The following TMC1 variants were observed in gnomAD, a reference collection of about 807,000 sequenced individuals.
TMC1 encodes the protein transmembrane channel like 1.
TMC1 carries 84 observed loss-of-function variants against 105.8 expected under a neutral mutation model. That is an observed-to-expected ratio of 0.79 (90% CI 0.67 to 0.95). The LOEUF is 0.95. Ranked by LOEUF, TMC1 falls within the 40% of genes least tolerant of loss-of-function variation. TMC1 has a pLI of 0.00. For missense variants in TMC1, 817 were observed against 914.1 expected, an observed-to-expected ratio of 0.89 and a Z score of 1.37; for synonymous variants, 315 against 311.5, an observed-to-expected ratio of 1.01 and a Z score of -0.12.
At chr9:72,537,974 G>A (rs561753365) in intron 1 of TMC1, among the ~76,000 whole-genome samples, 2 of 151,948 alleles carry the variant, frequency 1.3e-5, no homozygotes, top group African/African-American at 2.4e-5. Context: ...TGGGCAACAT[G>A]ATGAGACCCT....
At chr9:72,542,224 G>T (rs1028699928) in intron 1 of TMC1, among the ~76,000 whole-genome samples, 5 of 152,154 alleles carry the variant, frequency 3.3e-5, no homozygotes, top group Non-Finnish European at 7.3e-5. Flanking sequence ...ACTTTGGGAG[G>T]CTGAGGTGGG....
intron 1 of TMC1, among the ~76,000 whole-genome samples, chr9:72,576,501 T>C (rs1334896564): frequency 6.6e-6 from 1 of 152,002 alleles, no homozygotes; most frequent in Non-Finnish European, 1.5e-5. Flanking sequence ...GAGCTCCTTC[T>C]TGTGCCAACG....
intron 2 of TMC1, among the ~76,000 whole-genome samples, chr9:72,584,791 T>C (rs1161138515): frequency 1.4e-5 from 2 of 145,326 alleles, no homozygotes; most frequent in Admixed American, 6.8e-5. Flanking sequence ...TTTCTTTTTT[T>C]TTTTTTTTTT....
At chr9:72,812,611 C>T (rs539101983) in intron 18 of TMC1, among the ~76,000 whole-genome samples, 3 of 152,300 alleles carry the variant, frequency 2.0e-5, no homozygotes, top group Non-Finnish European at 4.4e-5. Context: ...AGGCCAGGCC[C>T]GAGAATGTGC....
chr9:72,673,521 C>T (rs1826156281), intron 5 of TMC1, among the ~76,000 whole-genome samples: 1 of 151,716 alleles, frequency 6.6e-6, no homozygotes, highest in Admixed American at 6.6e-5. Context: ...ATATGTAGCA[C>T]CCAAAAATAA....
chr9:72,761,644 G>T (rs1269825247), intron 12 of TMC1, among the ~76,000 whole-genome samples: 2 of 152,142 alleles, frequency 1.3e-5, no homozygotes, highest in African/African-American at 4.8e-5. Flanking sequence ...TATTCCTTCT[G>T]CCCTGCCTGC....
At chr9:72,672,866 G>A (rs557558981) in intron 5 of TMC1, among the ~76,000 whole-genome samples, 1 of 137,850 alleles carries the variant, frequency 7.3e-6, no homozygotes, top group East Asian at 2.1e-4. Context: ...ACACACACGT[G>A]TATATATATA....
chr9:72,533,949 A>G (rs1371862206), intron 1 of TMC1, among the ~76,000 whole-genome samples: 1 of 152,130 alleles, frequency 6.6e-6, no homozygotes, highest in African/African-American at 2.4e-5. Context: ...CCTGGCCATC[A>G]TGGTGAAACT....
At chr9:72,832,834 G>C (rs946354846) in intron 23 of TMC1, among the ~76,000 whole-genome samples, 4 of 151,966 alleles carry the variant, frequency 2.6e-5, no homozygotes, top group Non-Finnish European at 5.9e-5. Context: ...GCATAATTTA[G>C]AGTTCCATTT....
At chr9:72,787,424 T>G (rs1828184455) in intron 13 of TMC1, among the ~76,000 whole-genome samples, 1 of 152,160 alleles carries the variant, frequency 6.6e-6, no homozygotes, top group Admixed American at 6.5e-5. Context: ...AATGTCAGCT[T>G]TATGTCATTG....
Position 72,789,240 on chromosome 9 carries a change from A to T in TMC1, c.1147A>T (p.Ile383Phe), listed in dbSNP as rs1420431206. 1.2e-6 allele frequency: 2 copies of T among 1,613,946 alleles called. No homozygotes were observed. Among genetic ancestry groups the T allele is most frequent in the African/African-American group, 2.7e-5 (2 of 74,932 alleles). ...AACACTTGGAGGGAGTGGATACCTCATCTTTTGGGCTGTGAAGCGATCCCA... is the reference window on the plus strand; with the variant it reads ...AACACTTGGAGGGAGTGGATACCTCTTCTTTTGGGCTGTGAAGCGATCCCA... ...FLTLGGSGYL[I>F]FWAVKRSQEF... is the part of the protein sequence containing the mutation. Residue 383 changes from isoleucine (I) to phenylalanine (F), a missense_variant, in exon 15 of 24, where the codon ATC becomes TTC. Transcript: ENST00000297784.
rs1361048413 is a variant in TMC1 at position 72,788,237 on chromosome 9, T to G, written c.885-102T>G. 4 of 1,245,568 alleles carry G rather than the reference T, an allele frequency of 3.2e-6. No individual in the cohort carries two copies. In the East Asian group the frequency reaches 7.1e-5, roughly 22 times the overall value. 77.2% of individuals were successfully genotyped at this position (1,245,568 alleles called of 1,614,324 possible). On this transcript the variant is annotated intron_variant, in intron 13 of 23. Transcript: ENST00000297784. ...AAACTTGTTATAAAATATATGTCTT[T>G]TTGCTATTGCTTCTCCACTTCAACA...
At chr9:72,739,071 C>T (rs1359382267) in intron 8 of TMC1, among the ~76,000 whole-genome samples, 2 of 152,144 alleles carry the variant, frequency 1.3e-5, no homozygotes, top group Admixed American at 6.5e-5. Context: ...GGCCATAGAC[C>T]GGGTGGCTTA....
At chr9:72,827,806 C>T (rs1447531329) in intron 21 of TMC1, among the ~76,000 whole-genome samples, 1 of 152,044 alleles carries the variant, frequency 6.6e-6, no homozygotes, top group Non-Finnish European at 1.5e-5. Context: ...TTAAACAGCC[C>T]CAGGGACACT....
intron 10 of TMC1, 82 bp downstream of exon 10, chr9:72,742,607 C>A: frequency 8.3e-7 from 1 of 1,211,036 alleles, no homozygotes; most frequent in South Asian, 1.2e-5. Context: ...TTGTCAGTTT[C>A]TGGACTTTTG....
At chr9:72,554,061 A>G (rs555261176) in intron 1 of TMC1, among the ~76,000 whole-genome samples, 110 of 152,308 alleles carry the variant, frequency 7.2e-4, no homozygotes, top group Non-Finnish European at 1.3e-3. Context: ...CATGATTGAT[A>G]GCATACACAC....
intron 12 of TMC1, among the ~76,000 whole-genome samples, chr9:72,759,493 A>G (rs1180844622): frequency 6.6e-6 from 1 of 152,200 alleles, no homozygotes; most frequent in African/African-American, 2.4e-5. Context: ...AGTAAGGTAG[A>G]TATGACTATT....
intron 18 of TMC1, among the ~76,000 whole-genome samples, chr9:72,814,484 A>T (rs138422336): frequency 7.3e-4 from 111 of 152,348 alleles, no homozygotes; most frequent in African/African-American, 2.5e-3. Flanking sequence ...GAAAGTCGGC[A>T]AACTAACGAA....
chr9:72,595,717 C>G (rs1429896540), intron 2 of TMC1, among the ~76,000 whole-genome samples: 2 of 147,820 alleles, frequency 1.4e-5, no homozygotes, highest in Non-Finnish European at 3.0e-5. Context: ...TGCTCTGTTG[C>G]CCAGGCTGGA....
Sources: gnomAD v4.1 joint callset for allele counts (sites outside exome capture counted in the v4.1 genomes callset) on GRCh38, gnomAD v4.1.1 for gene constraint, MANE v1.5 for transcripts, NCBI Gene and HGNC (gene_info 2026-07-23, HGNC 2026-07-21) for gene names.